The following DNAH14 variants were observed in gnomAD, a reference collection of about 807,000 sequenced individuals.
The protein encoded by DNAH14 is axonemal beta dynein heavy chain 14.
Under a neutral mutation model 520.9 loss-of-function variants are expected in DNAH14, and 478 were observed. That is an observed-to-expected ratio of 0.92 (90% CI 0.85 to 0.99). The LOEUF is 0.99. Ranked by LOEUF, DNAH14 falls within the 50% of genes least tolerant of loss-of-function variation. The pLI is 0.00. For synonymous variants in DNAH14, 1,581 were observed against 1,757.2 expected (o/e 0.90, Z 2.51); for missense variants, 4,831 against 5,234.5 (o/e 0.92, Z 2.38).
chr1:225,007,690 T>G, intron 10 of DNAH14, 146 bp downstream of exon 10: 2 of 471,154 alleles, frequency 4.2e-6, no homozygotes, highest in Non-Finnish European at 6.8e-6. Flanking sequence ...GTACTATGTA[T>G]TTACTATATA....
At chr1:224,966,492 A>G (rs1408234801) in intron 5 of DNAH14, among the ~76,000 whole-genome samples, 1 of 152,180 alleles carries the variant, frequency 6.6e-6, no homozygotes, top group East Asian at 1.9e-4. Flanking sequence ...TTTTAAAGCT[A>G]AAAGAAATAA....
In DNAH14 at chr1:225,007,555, A is replaced by C; in HGVS notation, c.1107+11A>C. ...AGTACTTTTCTAAAGGTAATTCTTT[A>C]ATTATATCATATTTATCAAAGTTGC... is the stretch of plus-strand genomic sequence containing the variant. On this transcript the variant is annotated intron_variant, in intron 10 of 85. Coordinates refer to ENST00000682510, the MANE Select transcript of DNAH14 (RefSeq NM_001367479.1). 4.7e-6 allele frequency: 7 copies of C among 1,504,636 alleles called. No individual in the cohort carries two copies. The highest frequency in any genetic ancestry group is 6.2e-6 in the Non-Finnish European group (7 of 1,122,208). The allele number at this position is 1,504,636 out of a possible 1,614,324, so 93.2% of individuals were successfully genotyped here.
chr1:224,947,891 A>C (rs1377069940), intron 1 of DNAH14, among the ~76,000 whole-genome samples: 4 of 151,996 alleles, frequency 2.6e-5, no homozygotes, highest in Non-Finnish European at 1.5e-5. Flanking sequence ...TGGTCATAGA[A>C]TTTGGGCTAT....
intron 10 of DNAH14, among the ~76,000 whole-genome samples, chr1:225,020,986 G>T (rs1435690294): frequency 6.6e-6 from 1 of 151,628 alleles, no homozygotes; most frequent in Non-Finnish European, 1.5e-5. Flanking sequence ...TAGGAAGGTT[G>T]GTTTAACATA....
At chr1:225,398,914 C>T in intron 85 of DNAH14, 140 bp from the exon 86 acceptor site, 1 of 841,212 alleles carries the variant, frequency 1.2e-6, no homozygotes, top group South Asian at 1.9e-5. Context: ...GTATAATTTC[C>T]ACATGCTGTT....
chr1:225,381,316 G>GT, intron 80 of DNAH14, 67 bp from the exon 81 acceptor site: 1 of 1,439,320 alleles, frequency 6.9e-7, no homozygotes, highest in East Asian at 2.5e-5. Flanking sequence ...CAAAGCCTAA[G>GT]TCCCTCCATG....
In DNAH14 at chr1:225,265,164, C is replaced by T. The variant is rs1348007713; in HGVS notation, c.7223-18C>T. ...AGTGTCCTAAATTTGTTTTTTCTTT[C>T]TATGTTTGGCATCACAGATAATCCC... On this transcript the variant is annotated intron_variant, in intron 47 of 85. Coordinates refer to ENST00000682510, the MANE Select transcript of DNAH14 (RefSeq NM_001367479.1). The T allele has an allele frequency of 7.0e-7, 1 of 1,421,648 alleles. No individual in the cohort carries two copies. The highest frequency in any genetic ancestry group is 3.6e-5 in the Admixed American group (1 of 27,664). The allele number at this position is 1,421,648 out of a possible 1,614,324, so 88.1% of individuals were successfully genotyped here.
chr1:225,170,699 C>A (rs765238458), intron 36 of DNAH14, among the ~76,000 whole-genome samples: 35 of 152,168 alleles, frequency 2.3e-4, no homozygotes, highest in South Asian at 4.1e-4. Flanking sequence ...TGTCAACATT[C>A]GACAGATCAA....
intron 22 of DNAH14, among the ~76,000 whole-genome samples, chr1:225,099,750 C>G (rs961836814): frequency 6.6e-6 from 1 of 152,106 alleles, no homozygotes; most frequent in African/African-American, 2.4e-5. Flanking sequence ...CTGGCAAGAG[C>G]CAATGAATGG....
At chr1:224,980,174 C>A (rs1391224848) in intron 8 of DNAH14, among the ~76,000 whole-genome samples, 2 of 152,136 alleles carry the variant, frequency 1.3e-5, no homozygotes, top group East Asian at 3.9e-4. Context: ...GGATGGAATA[C>A]CAAGTAGACT....
At chr1:225,389,575 C>T (rs1317458976) in intron 82 of DNAH14, among the ~76,000 whole-genome samples, 159 bp from the exon 83 acceptor site, 2 of 152,216 alleles carry the variant, frequency 1.3e-5, no homozygotes. Context: ...GAGCTTAAAA[C>T]CATAGCTGGC....
intron 21 of DNAH14, among the ~76,000 whole-genome samples, chr1:225,091,127 TGAAA>T (rs1277651048): frequency 6.6e-6 from 1 of 152,178 alleles, no homozygotes; most frequent in Non-Finnish European, 1.5e-5. Flanking sequence ...TTGGTTTTCC[TGAAA>T]GAGAGGGAGA....
At chr1:225,366,541 G>A (rs370938704) in intron 76 of DNAH14, among the ~76,000 whole-genome samples, 19 of 152,246 alleles carry the variant, frequency 1.2e-4, no homozygotes, top group East Asian at 7.7e-4. Context: ...AACAGTGCTC[G>A]ATAAATATTT....
chr1:225,345,145 T>G (rs78626163), intron 69 of DNAH14, among the ~76,000 whole-genome samples: 18 of 152,304 alleles, frequency 1.2e-4, no homozygotes, highest in African/African-American at 4.1e-4. Flanking sequence ...TGCAAAAGCT[T>G]CACCTGCATC....
At chr1:225,148,590 T>C (rs1451347267) in intron 31 of DNAH14, among the ~76,000 whole-genome samples, 1 of 151,784 alleles carries the variant, frequency 6.6e-6, no homozygotes. Context: ...TTAGTAGAGA[T>C]GGGGTTTCAC....
chr1:225,358,018 G>A (rs1188516758), intron 73 of DNAH14: 2 of 556,036 alleles, frequency 3.6e-6, no homozygotes, highest in East Asian at 5.9e-5. Flanking sequence ...TTTCAGATTT[G>A]TATTCTAATT....
chr1:225,085,755 C>T lies in DNAH14; in HGVS notation c.3539C>T (p.Thr1180Ile), dbSNP rs2073688496. 1 of 1,550,868 alleles carries T rather than the reference C, an allele frequency of 6.4e-7. No homozygotes were observed. The highest frequency in any genetic ancestry group is 8.7e-7 in the Non-Finnish European group (1 of 1,146,690). ...GAAGAGTCTCAAGTCATACTTGCAA[C>T]AATTAAAGGATCTCCCCACATTGGG... Reference protein sequence around the residue: ...QLEESQVILATIKGSPHIGPI... With the variant: ...QLEESQVILAIIKGSPHIGPI... The change falls in exon 21 of 86, where the codon ACA becomes ATA. Residue 1180 changes from threonine (T) to isoleucine (I), a missense_variant. Thr to Ile is a moderately conservative substitution (Grantham distance 89). Coordinates refer to ENST00000682510, the MANE Select transcript of DNAH14 (RefSeq NM_001367479.1).
At chr1:225,129,553 A>G (rs565587334) in intron 27 of DNAH14, among the ~76,000 whole-genome samples, 10 of 152,312 alleles carry the variant, frequency 6.6e-5, no homozygotes, top group African/African-American at 1.9e-4. Context: ...ACCTGATAAA[A>G]ACAAGCAATG....
At position 225,364,057 on chromosome 1, in the gene DNAH14, G is replaced by C. The variant is rs554104222; in HGVS notation, c.11988-735G>C. On this transcript the variant is annotated intron_variant, in intron 75 of 85. Coordinates refer to ENST00000682510, the MANE Select transcript of DNAH14 (RefSeq NM_001367479.1). ...TGGGTTTTAGCTGATATTTTCTTAC[G>C]GTTAGATTAAGGCTATGCAGTATTG... Among the ~76,000 whole-genome samples, 121 of 152,168 alleles carry C rather than the reference G, an allele frequency of 8.0e-4. 1 individual carries two copies. The highest frequency in any genetic ancestry group is 2.9e-3 in the African/African-American group (120 of 41,522).
Sources: gnomAD v4.1 joint callset for allele counts (sites outside exome capture counted in the v4.1 genomes callset) on GRCh38, gnomAD v4.1.1 for gene constraint, MANE v1.5 for transcripts, NCBI Gene and HGNC (gene_info 2026-07-23, HGNC 2026-07-21) for gene names.